Variants in CASR observed in about 807,000 individuals in gnomAD.
CASR encodes the protein calcium sensing receptor.
In CASR, 23 loss-of-function variants were observed where a neutral mutation model predicts 69.1. That is an observed-to-expected ratio of 0.33 (90% CI 0.24 to 0.47). The LOEUF is 0.47. Among genes scored for constraint, CASR ranks in the 20% least tolerant of loss-of-function variants. The pLI is 1.00. For missense variants in CASR, 924 were observed against 1,356.1 expected (o/e 0.68, Z 5.00); for synonymous variants, 541 against 544.7 (o/e 0.99, Z 0.10).
chr3:122,241,850 CCT>C (rs2074382066), intron 1 of CASR, among the ~76,000 whole-genome samples: 1 of 152,082 alleles, frequency 6.6e-6, no homozygotes, highest in Non-Finnish European at 1.5e-5. Context: ...TGGGATCTAT[CCT>C]GTGGACGCAA....
Position 122,284,970 on chromosome 3 carries a change from A to G in CASR, c.3016A>G (p.Thr1006Ala), listed in dbSNP as rs1381478610. 4.3e-6 allele frequency: 7 copies of G among 1,614,076 alleles called. No individual in the cohort carries two copies. The highest frequency in any genetic ancestry group is 2.7e-5 in the African/African-American group (2 of 74,916). ...NSLEAQKSSD[T>A]LTRHEPLLPL... ...CCTGGAGGCCCAGAAAAGCAGCGATACGCTGACCCGACACGAGCCATTACT... is the reference window on the plus strand; with the variant it reads ...CCTGGAGGCCCAGAAAAGCAGCGATGCGCTGACCCGACACGAGCCATTACT... Residue 1006 changes from threonine (T) to alanine (A), a missense_variant, in exon 7 of 7, where the codon ACG (threonine) becomes GCG (alanine). Thr to Ala is a moderately conservative substitution (Grantham distance 58, BLOSUM62 0). This residue lies in a region of CASR where 201 missense variants were observed against 228.8 expected (regional missense o/e 0.88). Coordinates refer to ENST00000639785, the MANE Select transcript of CASR (RefSeq NM_000388.4).
intron 5 of CASR, among the ~76,000 whole-genome samples, chr3:122,278,608 T>A (rs990307508): frequency 6.6e-6 from 1 of 152,204 alleles, no homozygotes; most frequent in African/African-American, 2.4e-5. Flanking sequence ...GAAAAATGGA[T>A]CTTTCCGGTG....
chr3:122,210,800 A>G (rs556438530), intron 1 of CASR, among the ~76,000 whole-genome samples: 1 of 152,352 alleles, frequency 6.6e-6, no homozygotes, highest in East Asian at 1.9e-4. Context: ...AGCAAAAAGA[A>G]CAAAGCTGGA....
intron 1 of CASR, among the ~76,000 whole-genome samples, chr3:122,197,841 C>T (rs188320830): frequency 6.6e-6 from 1 of 152,282 alleles, no homozygotes; most frequent in African/African-American, 2.4e-5. Flanking sequence ...TTCATTGACC[C>T]CCTTTCATTC....
At chr3:122,196,120 A>G (rs1576814894) in intron 1 of CASR, among the ~76,000 whole-genome samples, 1 of 152,218 alleles carries the variant, frequency 6.6e-6, no homozygotes, top group East Asian at 1.9e-4. Context: ...ATACATAATC[A>G]ATGAAATACC....
chr3:122,224,550 A>G (rs1308328252), intron 1 of CASR, among the ~76,000 whole-genome samples: 1 of 152,200 alleles, frequency 6.6e-6, no homozygotes, highest in Non-Finnish European at 1.5e-5. Context: ...AGAAGACACA[A>G]ACAAATGGAG....
rs2075007433 is a variant in CASR, at chr3:122,290,900, C to T, written c.*5709C>T. On this transcript the variant is annotated 3_prime_UTR_variant, in exon 7 of 7. Transcript: ENST00000639785. ...CCCCCTCCCCCCACCCCACAATAGG[C>T]CCTGGTGTGTGATGTTCCCCTTCCT... is the stretch of plus-strand genomic sequence containing the variant. 1 of 128,000 alleles carries T rather than the reference C, an allele frequency of 7.8e-6. No individual in the cohort carries two copies. The highest frequency in any genetic ancestry group is 1.6e-5 in the Non-Finnish European group (1 of 63,138). The allele number at this position is 128,000 out of a possible 1,614,324, so 7.9% of individuals were successfully genotyped here.
In CASR at chr3:122,287,049, C is replaced by A. The variant is rs998947012; in HGVS notation, c.*1858C>A. 1 of 152,294 alleles carries A rather than the reference C, an allele frequency of 6.6e-6. No individual in the cohort carries two copies. The highest frequency in any genetic ancestry group is 1.5e-5 in the Non-Finnish European group (1 of 68,076). The allele number at this position is 152,294 out of a possible 1,614,324, so 9.4% of individuals were successfully genotyped here. Reference sequence around the variant, plus strand: ...CCCACCTAGGAAGGGCACCGGCCCCCACCCAGCCTGCGCCCCCCTGCAGTC... The same window carrying A: ...CCCACCTAGGAAGGGCACCGGCCCCAACCCAGCCTGCGCCCCCCTGCAGTC... On this transcript the variant is annotated 3_prime_UTR_variant, in exon 7 of 7. Coordinates refer to ENST00000639785, the MANE Select transcript of CASR (RefSeq NM_000388.4).
intron 1 of CASR, among the ~76,000 whole-genome samples, chr3:122,216,325 A>G (rs2074117415): frequency 1.3e-5 from 2 of 152,152 alleles, no homozygotes; most frequent in South Asian, 4.1e-4. Flanking sequence ...CCAGTACTTG[A>G]TCATGGGCAA....
intron 4 of CASR, among the ~76,000 whole-genome samples, chr3:122,273,011 C>T (rs182630392): frequency 1.3e-5 from 2 of 152,304 alleles, no homozygotes; most frequent in Admixed American, 1.3e-4. Flanking sequence ...TGTGCAGTTC[C>T]CCTCCCCACT....
intron 1 of CASR, among the ~76,000 whole-genome samples, chr3:122,224,928 C>CA: frequency 6.6e-6 from 1 of 152,106 alleles, no homozygotes; most frequent in African/African-American, 2.4e-5. Flanking sequence ...ATCAACAATA[C>CA]CAAGCAGTGG....
chr3:122,192,355 A>C (rs2107580770), intron 1 of CASR, among the ~76,000 whole-genome samples: 1 of 152,354 alleles, frequency 6.6e-6, no homozygotes, highest in South Asian at 2.1e-4. Flanking sequence ...ATGTGGCTTA[A>C]ATGGGTTCAT....
At chr3:122,224,875 A>G (rs772933227) in intron 1 of CASR, among the ~76,000 whole-genome samples, 13 of 152,174 alleles carry the variant, frequency 8.5e-5, no homozygotes, top group Admixed American at 1.3e-4. Context: ...TAGAGAACCT[A>G]GACGTAAAGC....
chr3:122,215,142 A>G (rs2074105088), intron 1 of CASR, among the ~76,000 whole-genome samples: 1 of 152,222 alleles, frequency 6.6e-6, no homozygotes, highest in Non-Finnish European at 1.5e-5. Flanking sequence ...CCATACCATG[A>G]TTACGGCCCT....
Position 122,261,131 on chromosome 3 carries a change from G to A in CASR, c.493-397G>A, listed in dbSNP as rs550745922. Reference sequence around the variant, plus strand: ...GCTGAGCCCAACAAGCCAAAGTTGTGTACATGGATATATTATAACCAATGA... The same window carrying A: ...GCTGAGCCCAACAAGCCAAAGTTGTATACATGGATATATTATAACCAATGA... On this transcript the variant is annotated intron_variant, in intron 3 of 6. Coordinates refer to ENST00000639785, the MANE Select transcript of CASR (RefSeq NM_000388.4). Among the ~76,000 whole-genome samples the A allele has an allele frequency of 3.3e-5, 5 of 152,304 alleles. No individual in the cohort carries two copies. In the South Asian group the frequency reaches 1.0e-3, roughly 32 times the overall value.
At position 122,222,391 on chromosome 3, in the gene CASR, T is replaced by C. The variant is rs944091026; in HGVS notation, c.-242-31557T>C. On this transcript the variant is annotated intron_variant, in intron 1 of 6. Coordinates refer to ENST00000639785, the MANE Select transcript of CASR (RefSeq NM_000388.4). ...ATCCGTTGAGCACACTACTGCATCA[T>C]TTATTAGAGAAAAAAAAATTCCTAT... 4.6e-5 allele frequency among the ~76,000 whole-genome samples: 7 copies of C among 152,326 alleles called. No individual in the cohort carries two copies. The South Asian group carries it at 1.5e-3, about 32-fold the overall frequency.
At chr3:122,231,361 T>G (rs1303875534) in intron 1 of CASR, among the ~76,000 whole-genome samples, 1 of 152,200 alleles carries the variant, frequency 6.6e-6, no homozygotes, top group Non-Finnish European at 1.5e-5. Flanking sequence ...ATTCAATTAG[T>G]AAAGGCACTG....
chr3:122,244,300 T>A, intron 1 of CASR, among the ~76,000 whole-genome samples: 1 of 152,224 alleles, frequency 6.6e-6, no homozygotes, highest in East Asian at 1.9e-4. Context: ...CCCAGAAATA[T>A]ATATACCTGC....
At chr3:122,197,709 C>G (rs768120291) in intron 1 of CASR, among the ~76,000 whole-genome samples, 4 of 152,164 alleles carry the variant, frequency 2.6e-5, no homozygotes, top group Non-Finnish European at 4.4e-5. Flanking sequence ...ATCTCCTAAA[C>G]TCATCACATC....
Sources: gnomAD v4.1 joint callset for allele counts (sites outside exome capture counted in the v4.1 genomes callset) on GRCh38, gnomAD v4.1.1 for gene constraint, gnomAD v4.1.1 regional missense constraint, MANE v1.5 for transcripts, NCBI Gene and HGNC (gene_info 2026-07-23, HGNC 2026-07-21) for gene names.